The following PCDHGA12 variants were observed in gnomAD, a reference collection of about 807,000 sequenced individuals.
PCDHGA12 encodes the protein protocadherin gamma subfamily A, 12, also known as protocadherin gamma-A12.
In PCDHGA12, 43 loss-of-function variants were observed where a neutral mutation model predicts 61.1. That is an observed-to-expected ratio of 0.70 (90% CI 0.55 to 0.91). The LOEUF (loss-of-function observed/expected upper bound fraction) is 0.91, where lower values mean the gene tolerates loss of function less well. PCDHGA12 is among the 40% of genes least tolerant of loss of function. The probability of loss-of-function intolerance (pLI) is 0.00; values close to 1 mark genes in which losing one functional copy is unlikely to be tolerated. For missense variants in PCDHGA12, 1,236 were observed against 1,227.7 expected (o/e 1.01, Z -0.10); for synonymous variants, 520 against 542.9 (o/e 0.96, Z 0.59).
chr5:141,509,435 T>C (rs547082417), intron 3 of PCDHGA12, among the ~76,000 whole-genome samples: 1 of 152,214 alleles, frequency 6.6e-6, no homozygotes, highest in South Asian at 2.1e-4. Context: ...AAACTCTTGT[T>C]TCCTCCTCTC....
chr5:141,432,949 CG>C lies in PCDHGA12; in HGVS notation c.2192del (p.Gly731AlafsTer2), dbSNP rs930064840. 6.2e-7 allele frequency: 1 copy of C among 1,614,066 alleles called. No individual in the cohort carries two copies. Among genetic ancestry groups the C allele is most frequent in the African/African-American group, 1.3e-5 (1 of 74,930 alleles). ...KSRLLQASGG[G>X]LTGAPASHFV... ...CACGCCTGCTGCAGGCTTCAGGAGG[CG>C]GCTTGACAGGAGCGCCGGCGTCGCA... On this transcript the variant is annotated frameshift_variant, in exon 1 of 4. Transcript: ENST00000252085. LOFTEE classifies it high-confidence loss of function. This position sits in a 1 kb window ranked among gnomAD's most constrained non-coding sequence, Gnocchi z 6.0.
intron 1 of PCDHGA12, among the ~76,000 whole-genome samples, chr5:141,492,490 G>C (rs2099741140): frequency 6.6e-6 from 1 of 152,208 alleles, no homozygotes; most frequent in Non-Finnish European, 1.5e-5. Context: ...CCAGGACCAG[G>C]CGAGGACTCC....
chr5:141,455,448 C>T (rs1403500578), intron 1 of PCDHGA12, among the ~76,000 whole-genome samples: 1 of 152,112 alleles, frequency 6.6e-6, no homozygotes, highest in African/African-American at 2.4e-5. Context: ...CCATCTACCG[C>T]GGATACCAGC....
chr5:141,434,449 G>C (rs1392115883), intron 1 of PCDHGA12, among the ~76,000 whole-genome samples: 1 of 152,232 alleles, frequency 6.6e-6, no homozygotes, highest in Non-Finnish European at 1.5e-5. Context: ...ATGCTGGAAG[G>C]TAGTGGGTTT....
intron 3 of PCDHGA12, among the ~76,000 whole-genome samples, chr5:141,509,952 C>T (rs954730777): frequency 7.2e-5 from 11 of 152,186 alleles, no homozygotes; most frequent in African/African-American, 2.2e-4. Flanking sequence ...CAAATGCTAC[C>T]GGGTATGGCC....
intron 1 of PCDHGA12, among the ~76,000 whole-genome samples, chr5:141,435,794 C>T (rs993951734): frequency 2.6e-5 from 4 of 151,934 alleles, no homozygotes; most frequent in Admixed American, 6.6e-5. Flanking sequence ...GGAAACATAA[C>T]GTCCCAATTA....
chr5:141,501,621 A>T (rs1348614977), intron 2 of PCDHGA12, among the ~76,000 whole-genome samples: 1 of 152,100 alleles, frequency 6.6e-6, no homozygotes, highest in Non-Finnish European at 1.5e-5. Context: ...ACTCTGGTAT[A>T]GTCTCTCAAC....
Position 141,431,500 on chromosome 5 carries a change from C to T in PCDHGA12, c.741C>T (p.Tyr247=), listed in dbSNP as rs903027252. Residue 247 remains tyrosine (Y), a synonymous_variant, in exon 1 of 4, where the codon TAC becomes TAT. Transcript: ENST00000252085. This position sits in a 1 kb window ranked among gnomAD's most constrained non-coding sequence, Gnocchi z 4.8. ...CACCAGCGTTTGCTCAGCCCGAGTACCGCGCGAGCGTTCCGGAGAATCTGG... is the reference window on the plus strand; with the variant it reads ...CACCAGCGTTTGCTCAGCCCGAGTATCGCGCGAGCGTTCCGGAGAATCTGG... The part of the protein sequence containing the change: ...DNAPAFAQPE[Y]RASVPENLAL... The T allele has an allele frequency of 4.4e-5, 71 of 1,613,894 alleles. No individual in the cohort carries two copies. The highest frequency in any genetic ancestry group is 5.9e-5 in the Non-Finnish European group (70 of 1,180,050).
intron 1 of PCDHGA12, chr5:141,442,491 T>G (rs1438583747): frequency 6.6e-6 from 1 of 152,236 alleles, no homozygotes; most frequent in Non-Finnish European, 1.5e-5. Flanking sequence ...AGGGGATGAT[T>G]GTGATTATTC....
rs769187557 is a variant in PCDHGA12, at chr5:141,433,087, A to C, written c.2328A>C (p.Ala776=). 2.5e-6 allele frequency: 4 copies of C among 1,614,206 alleles called. No homozygotes were observed. In the Admixed American group the frequency reaches 6.7e-5, roughly 27 times the overall value. The change falls in exon 1 of 4, where the codon GCA becomes GCC. Residue 776 remains alanine, a synonymous_variant. Transcript: ENST00000252085. The stretch of plus-strand genomic sequence containing the variant: ...TGATCTTCCCCCAGCCCAACTATGC[A>C]GACATGCTCGTCAGCCAGGAGAGCT... ...SHLIFPQPNY[A]DMLVSQESFE...
chr5:141,462,652 A>T (rs201168659), intron 1 of PCDHGA12, among the ~76,000 whole-genome samples: 1 of 80,348 alleles, frequency 1.2e-5, no homozygotes, highest in African/African-American at 7.4e-5. Flanking sequence ...TTCCATCCTC[A>T]ATTATCTTCA....
chr5:141,489,084 C>G lies in PCDHGA12; in HGVS notation c.2425-5723C>G. ...CTCCCCCCTGCCCACCCCCGCCACT[C>G]GGTGACTAAGAACTGCTGCAAGCAG... On this transcript the variant is annotated intron_variant, in intron 1 of 3. Transcript: ENST00000252085. This position sits in a 1 kb window ranked among gnomAD's most constrained non-coding sequence, Gnocchi z 4.5. 6.1e-6 allele frequency: 2 copies of G among 329,126 alleles called. No homozygotes were observed. The highest frequency in any genetic ancestry group is 2.5e-5 in the African/African-American group (1 of 40,384). 20.4% of individuals were successfully genotyped at this position (329,126 alleles called of 1,614,324 possible). A position where few individuals can be genotyped will look rare whatever the true frequency, so the allele number is the denominator to read the frequency against.
rs1048758308 is a variant in PCDHGA12 at position 141,498,931 on chromosome 5, A to T, written c.2483+4066A>T. Among the ~76,000 whole-genome samples the T allele has an allele frequency of 6.2e-4, 88 of 141,764 alleles. 1 individual carries two copies. Among genetic ancestry groups the T allele is most frequent in the Non-Finnish European group, 1.1e-3 (70 of 64,686 alleles). 93.0% of individuals were successfully genotyped at this position (141,764 alleles called of 152,430 possible). On this transcript the variant is annotated intron_variant, in intron 2 of 3. Coordinates refer to ENST00000252085, the MANE Select transcript of PCDHGA12 (RefSeq NM_003735.3). ...CTGGGTGACAGAGCGAGACTCCATC[A>T]GGAAAGAAAGAAAGAAAAAGAGAGA... is the stretch of plus-strand genomic sequence containing the variant.
chr5:141,487,533 T>C lies in PCDHGA12; in HGVS notation c.2425-7274T>C. On this transcript the variant is annotated intron_variant, in intron 1 of 3. Coordinates refer to ENST00000252085, the MANE Select transcript of PCDHGA12 (RefSeq NM_003735.3). This position sits in a 1 kb window ranked among gnomAD's most constrained non-coding sequence, Gnocchi z 5.0. The stretch of plus-strand genomic sequence containing the variant: ...CCCACTCGGAGTGATAGCTTCATGA[T>C]GGTGAAGTCACCCAGTGCACCTATG... 6.2e-7 allele frequency: 1 copy of C among 1,614,186 alleles called. No individual in the cohort carries two copies. Among genetic ancestry groups the C allele is most frequent in the South Asian group, 1.1e-5 (1 of 91,080 alleles).
chr5:141,453,204 C>T (rs1345502837), intron 1 of PCDHGA12, among the ~76,000 whole-genome samples: 1 of 152,260 alleles, frequency 6.6e-6, no homozygotes, highest in East Asian at 1.9e-4. Flanking sequence ...GCCTCAACCT[C>T]GTGCACTTAA....
In PCDHGA12 at chr5:141,487,072, T is replaced by C. The variant is rs754589618; in HGVS notation, c.2425-7735T>C. On this transcript the variant is annotated intron_variant, in intron 1 of 3. Coordinates refer to ENST00000252085, the MANE Select transcript of PCDHGA12 (RefSeq NM_003735.3). This position sits in a 1 kb window ranked among gnomAD's most constrained non-coding sequence, Gnocchi z 5.0. ...CTGGGGAGGTGCGGACGGCTGTTCCTATCCCAGCTGACCTCCCACCACAGA... is the reference window on the plus strand; with the variant it reads ...CTGGGGAGGTGCGGACGGCTGTTCCCATCCCAGCTGACCTCCCACCACAGA... 8.1e-6 allele frequency: 13 copies of C among 1,614,010 alleles called. No homozygotes were observed. Among genetic ancestry groups the C allele is most frequent in the Non-Finnish European group, 1.1e-5 (13 of 1,179,966 alleles).
At position 141,487,370 on chromosome 5, in the gene PCDHGA12, T is replaced by C; in HGVS notation, c.2425-7437T>C. 6.2e-7 allele frequency: 1 copy of C among 1,614,232 alleles called. No individual in the cohort carries two copies. Among genetic ancestry groups the C allele is most frequent in the South Asian group, 1.1e-5 (1 of 91,080 alleles). On this transcript the variant is annotated intron_variant, in intron 1 of 3. Transcript: ENST00000252085. The surrounding 1 kb of genome is among the most constrained non-coding windows in gnomAD (Gnocchi z 5.0). ...ATGCTTTCCTGCTGGCACCTGTGCC[T>C]GTCTCACCAGATCTCGAAGGAGGGA... is the stretch of plus-strand genomic sequence containing the variant.
chr5:141,494,778 CA>C (rs1228639033), intron 1 of PCDHGA12, 28 bp from the exon 2 acceptor site: 1 of 1,614,086 alleles, frequency 6.2e-7, no homozygotes, highest in Admixed American at 1.7e-5. Flanking sequence ...CACGGGTACT[CA>C]GCCCCTTTCC....
intron 3 of PCDHGA12, among the ~76,000 whole-genome samples, chr5:141,510,054 G>A (rs1166696269): frequency 1.3e-5 from 2 of 152,180 alleles, no homozygotes; most frequent in Non-Finnish European, 2.9e-5. Context: ...AAAAGTGATT[G>A]TGCATGTGAA....
Sources: gnomAD v4.1 joint callset for allele counts (sites outside exome capture counted in the v4.1 genomes callset) on GRCh38, gnomAD v4.1.1 for gene constraint, Gnocchi (gnomAD v3.1) non-coding constraint, MANE v1.5 for transcripts, NCBI Gene and HGNC (gene_info 2026-07-23, HGNC 2026-07-21) for gene names.